Variants in NRXN3 observed in about 807,000 individuals in gnomAD.
NRXN3 encodes neurexin 3, also known as neurexin III.
Under a neutral mutation model 137.6 loss-of-function variants are expected in NRXN3, and 32 were observed. The observed-to-expected ratio is 0.23, with a 90% CI of 0.18 to 0.31. NRXN3 has a LOEUF of 0.31. NRXN3 is among the 10% of genes least tolerant of loss of function. The probability of loss-of-function intolerance (pLI) is 1.00; values close to 1 mark genes in which losing one functional copy is unlikely to be tolerated. For synonymous variants in NRXN3, 798 were observed against 784.5 expected (o/e 1.02, Z -0.29); for missense variants, 1,574 against 2,062.5 (o/e 0.76, Z 4.59).
intron 8 of NRXN3, among the ~76,000 whole-genome samples, chr14:78,742,099 T>C (rs191227809): frequency 6.6e-5 from 10 of 152,308 alleles, no homozygotes; most frequent in Admixed American, 2.0e-4. Context: ...TTACTCTCCC[T>C]GAGAATTACC....
At chr14:78,383,051 GAGAA>G (rs2089401970) in intron 4 of NRXN3, among the ~76,000 whole-genome samples, 1 of 152,188 alleles carries the variant, frequency 6.6e-6, no homozygotes, top group Admixed American at 6.5e-5. Flanking sequence ...GAAAGGTAAT[GAGAA>G]TGATTAATCA....
At chr14:78,556,477 C>G (rs535534514) in intron 4 of NRXN3, among the ~76,000 whole-genome samples, 99 of 152,314 alleles carry the variant, frequency 6.5e-4, no homozygotes, top group African/African-American at 2.1e-3. Context: ...CAATGTTAAT[C>G]TTGGTGCTGA....
chr14:78,649,476 T>C (rs1425643469), intron 5 of NRXN3, among the ~76,000 whole-genome samples: 1 of 151,422 alleles, frequency 6.6e-6, no homozygotes, highest in Non-Finnish European at 1.5e-5. Flanking sequence ...TGGAAGGGGA[T>C]GCACTTGTCC....
At chr14:78,200,459 A>G (rs1162610684) in intron 1 of NRXN3, among the ~76,000 whole-genome samples, 1 of 152,106 alleles carries the variant, frequency 6.6e-6, no homozygotes, top group Non-Finnish European at 1.5e-5. Context: ...CTTGTGTGAA[A>G]TGCACATTCT....
chr14:79,475,630 A>G (rs745592624), intron 16 of NRXN3, among the ~76,000 whole-genome samples: 19 of 152,068 alleles, frequency 1.2e-4, no homozygotes, highest in Admixed American at 3.3e-4. Flanking sequence ...TGTATATACA[A>G]CTCTTGCACA....
At chr14:78,967,515 C>A in intron 13 of NRXN3, 117 bp downstream of exon 13, 6 of 711,556 alleles carry the variant, frequency 8.4e-6, no homozygotes, top group South Asian at 3.9e-5. Flanking sequence ...TCATCCATAT[C>A]CTGTTTTAAC....
At chr14:79,728,559 A>C (rs1009265001) in intron 19 of NRXN3, among the ~76,000 whole-genome samples, 1 of 152,252 alleles carries the variant, frequency 6.6e-6, no homozygotes, top group African/African-American at 2.4e-5. Context: ...GAAGGCAAGA[A>C]GAGACTTTTT....
chr14:78,687,129 C>T (rs1319744634), intron 6 of NRXN3, among the ~76,000 whole-genome samples: 2 of 152,052 alleles, frequency 1.3e-5, no homozygotes, highest in Admixed American at 1.3e-4. Flanking sequence ...GATTCAGGTG[C>T]TTGTTGAATT....
chr14:78,676,681 G>T (rs1195611533), intron 6 of NRXN3, among the ~76,000 whole-genome samples: 2 of 152,148 alleles, frequency 1.3e-5, no homozygotes, highest in Non-Finnish European at 2.9e-5. Flanking sequence ...TTTCAATGTA[G>T]ATAAAAAGCC....
At chr14:79,030,635 CTTTTT>C in intron 15 of NRXN3, among the ~76,000 whole-genome samples, 6 of 54,260 alleles carry the variant, frequency 1.1e-4, no homozygotes, top group Admixed American at 4.6e-4. Context: ...TTCTCTGTGT[CTTTTT>C]TTTTTTTTTT....
intron 4 of NRXN3, among the ~76,000 whole-genome samples, chr14:78,542,641 T>G (rs2096601786): frequency 6.6e-6 from 1 of 152,166 alleles, no homozygotes; most frequent in African/African-American, 2.4e-5. Context: ...CCCTTGCACT[T>G]CCTGGGTGAG....
At chr14:78,249,706 C>T (rs59586505) in intron 2 of NRXN3, among the ~76,000 whole-genome samples, 3,762 of 152,208 alleles carry the variant, frequency 0.025, 162 homozygotes, top group African/African-American at 0.083. Context: ...TACCACCCTG[C>T]GCCTGACATT....
At position 79,104,824 on chromosome 14, in the gene NRXN3, G is replaced by A. The variant is rs375494007; in HGVS notation, c.3262+116683G>A. On this transcript the variant is annotated intron_variant, in intron 15 of 20. Coordinates refer to ENST00000335750, the MANE Select transcript of NRXN3 (RefSeq NM_001330195.2). ...TGTAAAATTTTAATCTTATGATAGG[G>A]CTTTTTTTTTTTTCCTTTGGGTAAG... Among the ~76,000 whole-genome samples the A allele has an allele frequency of 5.3e-4, 69 of 130,090 alleles. 1 individual carries two copies. The highest frequency in any genetic ancestry group is 1.8e-3 in the African/African-American group (68 of 36,930). 85.3% of individuals were successfully genotyped at this position (130,090 alleles called of 152,430 possible). A position where few individuals can be genotyped will look rare whatever the true frequency, so the allele number is the denominator to read the frequency against.
chr14:78,846,466 A>C (rs963252197), intron 10 of NRXN3, among the ~76,000 whole-genome samples: 1 of 152,132 alleles, frequency 6.6e-6, no homozygotes, highest in Non-Finnish European at 1.5e-5. Context: ...ATGGGATTTA[A>C]ATACCATAAT....
rs1301723510 is a variant in NRXN3 at position 79,862,564 on chromosome 14, C to CT, written c.*604dup. On this transcript the variant is annotated 3_prime_UTR_variant, in exon 21 of 21. Transcript: ENST00000335750. ...CTTTATGATCTGAGGGGAAAAATGG[C>CT]TTTTGGGTTTTTGTTTATTTTTTTG... 1 of 151,704 alleles carries CT rather than the reference C, an allele frequency of 6.6e-6. No individual in the cohort carries two copies. The highest frequency in any genetic ancestry group is 2.4e-5 in the African/African-American group (1 of 41,214). 9.4% of individuals were successfully genotyped at this position (151,704 alleles called of 1,614,324 possible).
intron 4 of NRXN3, among the ~76,000 whole-genome samples, chr14:78,631,206 C>A (rs543032886): frequency 6.6e-6 from 1 of 152,276 alleles, no homozygotes; most frequent in East Asian, 1.9e-4. Flanking sequence ...TACATCTTTG[C>A]AGATACCTAC....
intron 6 of NRXN3, among the ~76,000 whole-genome samples, chr14:78,689,923 G>T (rs558126413): frequency 6.8e-6 from 1 of 147,970 alleles, no homozygotes; most frequent in Non-Finnish European, 1.5e-5. Context: ...TCCCTCCTCC[G>T]CTCCTCCCCA....
intron 8 of NRXN3, among the ~76,000 whole-genome samples, chr14:78,777,059 A>G (rs1459562753): frequency 2.0e-5 from 3 of 152,186 alleles, no homozygotes; most frequent in Non-Finnish European, 2.9e-5. Context: ...ATTCATGTAC[A>G]TATATTATTC....
chr14:78,417,692 A>G (rs2093219179), intron 4 of NRXN3, among the ~76,000 whole-genome samples: 1 of 152,222 alleles, frequency 6.6e-6, no homozygotes, highest in Non-Finnish European at 1.5e-5. Context: ...GCACATGAGC[A>G]GTGGAGACAA....
Sources: gnomAD v4.1 joint callset for allele counts (sites outside exome capture counted in the v4.1 genomes callset) on GRCh38, gnomAD v4.1.1 for gene constraint, MANE v1.5 for transcripts, NCBI Gene and HGNC (gene_info 2026-07-23, HGNC 2026-07-21) for gene names.